The following ZCCHC7 variants were observed in gnomAD, a reference collection of about 807,000 sequenced individuals.
ZCCHC7 encodes zinc finger CCHC-type containing 7, also known as zinc finger CCHC domain-containing protein 7.
Under a neutral mutation model 52.0 loss-of-function variants are expected in ZCCHC7, and 35 were observed. That is an observed-to-expected ratio of 0.67 (90% CI 0.51 to 0.89). The LOEUF (loss-of-function observed/expected upper bound fraction) is 0.89. Ranked by LOEUF, ZCCHC7 falls within the 40% of genes least tolerant of loss-of-function variation. The probability of loss-of-function intolerance (pLI) is 0.00; values close to 1 mark genes in which losing one functional copy is unlikely to be tolerated. For missense variants in ZCCHC7, 574 were observed against 649.1 expected, an observed-to-expected ratio of 0.88 and a Z score of 1.26; for synonymous variants, 217 against 221.5, an observed-to-expected ratio of 0.98 and a Z score of 0.18.
chr9:37,123,249 CAT>C (rs1395042974), intron 1 of ZCCHC7, among the ~76,000 whole-genome samples: 44 of 150,780 alleles, frequency 2.9e-4, no homozygotes, highest in South Asian at 2.1e-4. Context: ...GTGTAAAAAA[CAT>C]ATATTGTCTT....
chr9:37,357,745 A>T lies in ZCCHC7; in HGVS notation c.*477A>T, dbSNP rs1420913654. On this transcript the variant is annotated 3_prime_UTR_variant, in exon 9 of 9. Coordinates refer to ENST00000336755, the MANE Select transcript of ZCCHC7 (RefSeq NM_032226.3). ...TATATCCAGATTTTCTTTCTGCTGA[A>T]GCTGTTGTCAGAATCTTCCTTTGGA... The T allele has an allele frequency of 6.6e-6, 1 of 151,600 alleles. No individual in the cohort carries two copies. The highest frequency in any genetic ancestry group is 1.9e-4 in the East Asian group (1 of 5,174). 9.4% of individuals were successfully genotyped at this position (151,600 alleles called of 1,614,324 possible).
chr9:37,276,208 G>A (rs1827676659), intron 2 of ZCCHC7, among the ~76,000 whole-genome samples: 1 of 152,156 alleles, frequency 6.6e-6, no homozygotes, highest in African/African-American at 2.4e-5. Context: ...TCGTGCTGGA[G>A]TTTCTACTTC....
intron 2 of ZCCHC7, among the ~76,000 whole-genome samples, chr9:37,192,272 A>G (rs1455988079): frequency 6.6e-6 from 1 of 152,244 alleles, no homozygotes; most frequent in African/African-American, 2.4e-5. Flanking sequence ...AAGGCAGCCC[A>G]TCTCATAATC....
chr9:37,132,949 C>T (rs770458188), intron 2 of ZCCHC7, among the ~76,000 whole-genome samples: 6 of 152,154 alleles, frequency 3.9e-5, no homozygotes, highest in Non-Finnish European at 7.4e-5. Flanking sequence ...CTAGCCTGAC[C>T]AACATGGTGA....
At chr9:37,310,100 G>T (rs947765838) in intron 5 of ZCCHC7, among the ~76,000 whole-genome samples, 3 of 152,134 alleles carry the variant, frequency 2.0e-5, no homozygotes, top group Non-Finnish European at 4.4e-5. Flanking sequence ...CCTAAAATCT[G>T]TTGGAAATTG....
chr9:37,269,314 T>A (rs1019931453), intron 2 of ZCCHC7, among the ~76,000 whole-genome samples: 1 of 152,082 alleles, frequency 6.6e-6, no homozygotes, highest in South Asian at 2.1e-4. Flanking sequence ...AAAAGATAGC[T>A]ATGCTTCAGA....
intron 2 of ZCCHC7, among the ~76,000 whole-genome samples, chr9:37,292,071 T>A (rs1828565356): frequency 6.6e-6 from 1 of 152,232 alleles, no homozygotes. Flanking sequence ...TAATCTAGGT[T>A]CATGCATGAT....
chr9:37,151,261 C>T (rs1820511029), intron 2 of ZCCHC7, among the ~76,000 whole-genome samples: 1 of 151,998 alleles, frequency 6.6e-6, no homozygotes, highest in South Asian at 2.1e-4. Flanking sequence ...CCACCGTGCC[C>T]GACCGATTTA....
intron 2 of ZCCHC7, among the ~76,000 whole-genome samples, chr9:37,212,894 C>G (rs557449654): frequency 1.3e-5 from 2 of 151,826 alleles, no homozygotes; most frequent in East Asian, 3.9e-4. Flanking sequence ...GTTTTTTTTA[C>G]AGACTTCTCT....
chr9:37,328,984 A>G (rs1282619990), intron 6 of ZCCHC7, among the ~76,000 whole-genome samples: 2 of 151,952 alleles, frequency 1.3e-5, no homozygotes. Flanking sequence ...TTACACATAT[A>G]TATTACAAAT....
At chr9:37,311,588 T>G (rs2133751110) in intron 5 of ZCCHC7, among the ~76,000 whole-genome samples, 1 of 152,226 alleles carries the variant, frequency 6.6e-6, no homozygotes, top group South Asian at 2.1e-4. Context: ...TTTTGTATTT[T>G]TAGTAGAGGT....
intron 2 of ZCCHC7, among the ~76,000 whole-genome samples, chr9:37,293,304 C>G (rs2133642123): frequency 6.6e-6 from 1 of 151,970 alleles, no homozygotes; most frequent in Non-Finnish European, 1.5e-5. Flanking sequence ...AACAAGTAAG[C>G]AGAGAACCAG....
chr9:37,276,747 C>G (rs1184333001), intron 2 of ZCCHC7, among the ~76,000 whole-genome samples: 8 of 152,014 alleles, frequency 5.3e-5, no homozygotes, highest in African/African-American at 1.9e-4. Context: ...TTAATTTGCC[C>G]AGAGAACTAA....
intron 2 of ZCCHC7, among the ~76,000 whole-genome samples, chr9:37,205,923 T>C (rs1823884148): frequency 6.6e-6 from 1 of 152,054 alleles, no homozygotes; most frequent in Non-Finnish European, 1.5e-5. Context: ...GTTCCTAATT[T>C]GTACATTTTG....
intron 2 of ZCCHC7, among the ~76,000 whole-genome samples, chr9:37,227,112 AAG>A (rs974412823): frequency 2.2e-4 from 34 of 152,282 alleles, no homozygotes; most frequent in African/African-American, 8.2e-4. Context: ...AAGCTATAAA[AAG>A]AAAAATATAA....
At chr9:37,196,345 C>G (rs1283657339) in intron 2 of ZCCHC7, among the ~76,000 whole-genome samples, 1 of 152,132 alleles carries the variant, frequency 6.6e-6, no homozygotes, top group African/African-American at 2.4e-5. Context: ...TGCCAGATCT[C>G]TGATGGAACT....
intron 2 of ZCCHC7, among the ~76,000 whole-genome samples, chr9:37,134,799 C>A (rs1316706170): frequency 6.6e-6 from 1 of 152,190 alleles, no homozygotes; most frequent in Non-Finnish European, 1.5e-5. Context: ...AGTCTCAGCT[C>A]ACCGCAACTT....
chr9:37,308,050 AT>A (rs1829415111), intron 5 of ZCCHC7, among the ~76,000 whole-genome samples: 1 of 152,172 alleles, frequency 6.6e-6, no homozygotes, highest in Admixed American at 6.5e-5. Flanking sequence ...AGTCTTTAAA[AT>A]TTTTGGCTGG....
chr9:37,241,701 A>G (rs182038867), intron 2 of ZCCHC7, among the ~76,000 whole-genome samples: 14 of 151,938 alleles, frequency 9.2e-5, no homozygotes, highest in African/African-American at 3.1e-4. Flanking sequence ...AAATACAACT[A>G]TCATAAATGG....
Sources: gnomAD v4.1 joint callset for allele counts (sites outside exome capture counted in the v4.1 genomes callset) on GRCh38, gnomAD v4.1.1 for gene constraint, MANE v1.5 for transcripts, NCBI Gene and HGNC (gene_info 2026-07-23, HGNC 2026-07-21) for gene names.